CLVS1: variants seen among roughly 807,000 people sequenced by gnomAD.
The protein encoded by CLVS1 is clavesin-1.
Under a neutral mutation model 33.1 loss-of-function variants are expected in CLVS1, and 10 were observed. The observed-to-expected ratio is 0.30, with a 90% CI of 0.19 to 0.51. The LOEUF (loss-of-function observed/expected upper bound fraction) is 0.51, where lower values mean the gene tolerates loss of function less well. Ranked by LOEUF, CLVS1 falls within the 20% of genes least tolerant of loss-of-function variation. The probability of loss-of-function intolerance (pLI) is 0.97; values close to 1 mark genes in which losing one functional copy is unlikely to be tolerated. For synonymous variants in CLVS1, 163 were observed against 166.1 expected (o/e 0.98, Z 0.14); for missense variants, 343 against 433.4 (o/e 0.79, Z 1.85).
chr8:61,483,676 G>A (rs1430426817), intron 5 of CLVS1, among the ~76,000 whole-genome samples: 1 of 152,176 alleles, frequency 6.6e-6, no homozygotes, highest in Non-Finnish European at 1.5e-5. Flanking sequence ...TATCCTTGAT[G>A]AACATTGATG....
At chr8:61,350,717 A>G (rs1251019378) in intron 2 of CLVS1, among the ~76,000 whole-genome samples, 2 of 152,154 alleles carry the variant, frequency 1.3e-5, no homozygotes, top group Non-Finnish European at 2.9e-5. Flanking sequence ...AGCAATTATC[A>G]TGTAGAGTAG....
At chr8:61,075,582 G>A (rs375648916) in intron 1 of CLVS1, among the ~76,000 whole-genome samples, 91 of 152,332 alleles carry the variant, frequency 6.0e-4, no homozygotes, top group African/African-American at 2.2e-3. Flanking sequence ...CATGATGCAA[G>A]TAAAAGTATT....
At chr8:61,094,739 A>G (rs1040860112) in intron 1 of CLVS1, among the ~76,000 whole-genome samples, 1 of 152,206 alleles carries the variant, frequency 6.6e-6, no homozygotes, top group Non-Finnish European at 1.5e-5. Context: ...GGCACAGGAA[A>G]AAAACATTCA....
intron 2 of CLVS1, among the ~76,000 whole-genome samples, chr8:61,303,570 T>C (rs1403811762): frequency 2.0e-5 from 3 of 152,238 alleles, no homozygotes; most frequent in Admixed American, 6.5e-5. Context: ...CTGTGCAATA[T>C]TATTTGTCCC....
At chr8:61,363,185 C>T (rs753112893) in intron 2 of CLVS1, among the ~76,000 whole-genome samples, 1 of 152,128 alleles carries the variant, frequency 6.6e-6, no homozygotes, top group Non-Finnish European at 1.5e-5. Flanking sequence ...AGAACAATCC[C>T]TGAGATTTTG....
Position 61,361,628 on chromosome 8 carries a change from T to C in CLVS1, c.456-14977T>C, listed in dbSNP as rs113166166. Reference sequence around the variant, plus strand: ...GAGAGAGTTCTTCAGGGTCTTATTTTAGAAGGAAAAACCCAGTCTTGATTG... The same window carrying C: ...GAGAGAGTTCTTCAGGGTCTTATTTCAGAAGGAAAAACCCAGTCTTGATTG... On this transcript the variant is annotated intron_variant, in intron 2 of 5. Transcript: ENST00000325897. Among the ~76,000 whole-genome samples, 780 of 152,272 alleles carry C rather than the reference T, an allele frequency of 5.1e-3. 4 individuals carry two copies. The highest frequency in any genetic ancestry group is 0.017 in the African/African-American group (714 of 41,548).
chr8:61,347,743 C>A (rs1013298214), intron 2 of CLVS1, among the ~76,000 whole-genome samples: 2 of 139,172 alleles, frequency 1.4e-5, no homozygotes, highest in Non-Finnish European at 3.0e-5. Flanking sequence ...CTTGGTAGTG[C>A]AAGTATTTCT....
chr8:61,280,969 T>C (rs1389492788), intron 2 of CLVS1, among the ~76,000 whole-genome samples: 1 of 152,130 alleles, frequency 6.6e-6, no homozygotes, highest in Admixed American at 6.6e-5. Flanking sequence ...CTTCATAGTC[T>C]TTTTCCCCAA....
intron 3 of CLVS1, among the ~76,000 whole-genome samples, chr8:61,392,381 T>C (rs994201172): frequency 6.6e-6 from 1 of 152,102 alleles, no homozygotes; most frequent in Non-Finnish European, 1.5e-5. Flanking sequence ...TCTAAGTTTG[T>C]TGATTGGTGC....
At chr8:61,363,950 C>T (rs1585863352) in intron 2 of CLVS1, among the ~76,000 whole-genome samples, 2 of 152,150 alleles carry the variant, frequency 1.3e-5, no homozygotes. Flanking sequence ...AGAACTCCCA[C>T]ATCTCTATCC....
chr8:61,089,094 C>A (rs1805183828), intron 1 of CLVS1, among the ~76,000 whole-genome samples: 1 of 152,142 alleles, frequency 6.6e-6, no homozygotes, highest in African/African-American at 2.4e-5. Context: ...AGCCACCGGG[C>A]CCGGCCTAGA....
At chr8:61,131,146 C>T (rs1806090799) in intron 1 of CLVS1, among the ~76,000 whole-genome samples, 1 of 152,156 alleles carries the variant, frequency 6.6e-6, no homozygotes, top group Non-Finnish European at 1.5e-5. Context: ...ACATTGTCCC[C>T]TAGGGAGACT....
chr8:61,461,569 A>G (rs1817367026), intron 5 of CLVS1, among the ~76,000 whole-genome samples: 1 of 152,234 alleles, frequency 6.6e-6, no homozygotes, highest in South Asian at 2.1e-4. Flanking sequence ...AAGACCCCTC[A>G]TAGACCATGT....
intron 3 of CLVS1, among the ~76,000 whole-genome samples, chr8:61,429,918 C>T (rs1456899183): frequency 3.3e-5 from 5 of 152,130 alleles, no homozygotes; most frequent in Non-Finnish European, 7.4e-5. Context: ...TCTTTTGGCC[C>T]TTAAATTCCC....
chr8:61,008,334 G>A, the CLVS1 span, among the ~76,000 whole-genome samples: 1 of 151,962 alleles, frequency 6.6e-6, no homozygotes, highest in Non-Finnish European at 1.5e-5. Flanking sequence ...GAGATAAAAT[G>A]GATCAAAACA....
At chr8:61,302,912 A>G (rs545806980) in intron 2 of CLVS1, among the ~76,000 whole-genome samples, 2 of 152,228 alleles carry the variant, frequency 1.3e-5, no homozygotes, top group South Asian at 4.2e-4. Flanking sequence ...GGTGCCACAC[A>G]CTTTTAAACG....
upstream of CLVS1, among the ~76,000 whole-genome samples, chr8:61,286,718 A>G (rs1338222486): frequency 2.0e-5 from 3 of 152,224 alleles, no homozygotes; most frequent in Non-Finnish European, 4.4e-5. Context: ...TTTGAAATAC[A>G]TGATAGAAAG....
At chr8:61,208,708 C>T (rs1807910083) in intron 2 of CLVS1, among the ~76,000 whole-genome samples, 1 of 152,140 alleles carries the variant, frequency 6.6e-6, no homozygotes, top group Admixed American at 6.5e-5. Flanking sequence ...CTGCCTCAGC[C>T]TCCTAAGTAG....
intron 2 of CLVS1, among the ~76,000 whole-genome samples, chr8:61,153,378 C>T (rs950046153): frequency 2.0e-5 from 3 of 152,132 alleles, no homozygotes; most frequent in Admixed American, 6.5e-5. Context: ...AAAGCAGTCA[C>T]GATGGTGTGC....
Sources: gnomAD v4.1 joint callset for allele counts (sites outside exome capture counted in the v4.1 genomes callset) on GRCh38, gnomAD v4.1.1 for gene constraint, MANE v1.5 for transcripts, NCBI Gene and HGNC (gene_info 2026-07-23, HGNC 2026-07-21) for gene names.